Variants in HPSE2 observed in about 807,000 individuals in gnomAD.
The protein encoded by HPSE2 is heparanase 2 (inactive).
A neutral mutation model predicts 60.5 loss-of-function variants in HPSE2; 38 were observed. The ratio of observed to expected loss-of-function variants is 0.63; its 90% CI spans 0.48 to 0.82. HPSE2 has a LOEUF of 0.82. Among genes scored for constraint, HPSE2 ranks in the 40% least tolerant of loss-of-function variants. HPSE2 has a pLI of 0.00. For synonymous variants in HPSE2, 295 were observed against 293.2 expected (o/e 1.01, Z -0.06); for missense variants, 713 against 740.4 (o/e 0.96, Z 0.43).
intron 11 of HPSE2, among the ~76,000 whole-genome samples, chr10:98,477,940 T>G (rs770522588): frequency 6.6e-6 from 1 of 152,204 alleles, no homozygotes; most frequent in Non-Finnish European, 1.5e-5. Flanking sequence ...ACACTCCTTA[T>G]GAGAATCTAA....
chr10:99,048,118 C>CAAA, intron 3 of HPSE2: 1 of 950,600 alleles, frequency 1.1e-6, no homozygotes, highest in East Asian at 2.5e-5. Flanking sequence ...GTGCTTATGG[C>CAAA]AAAATCAATA....
chr10:98,870,641 A>T (rs1952707407), intron 3 of HPSE2, among the ~76,000 whole-genome samples: 2 of 152,188 alleles, frequency 1.3e-5, no homozygotes, highest in Non-Finnish European at 2.9e-5. Context: ...CTAAGTTTAT[A>T]CCCTGGCTCG....
At chr10:98,778,685 A>G (rs1396867807) in intron 3 of HPSE2, among the ~76,000 whole-genome samples, 1 of 152,194 alleles carries the variant, frequency 6.6e-6, no homozygotes, top group Non-Finnish European at 1.5e-5. Flanking sequence ...ACAAGAATTC[A>G]CTACATTGCT....
chr10:99,209,213 A>C (rs1453740807), intron 2 of HPSE2, among the ~76,000 whole-genome samples: 1 of 152,192 alleles, frequency 6.6e-6, no homozygotes, highest in Admixed American at 6.5e-5. Context: ...ACATACAGAA[A>C]ATTCTCCAGG....
chr10:98,543,268 A>G (rs1358916996), intron 9 of HPSE2, among the ~76,000 whole-genome samples: 1 of 152,166 alleles, frequency 6.6e-6, no homozygotes, highest in Non-Finnish European at 1.5e-5. Flanking sequence ...CTTTACAGAC[A>G]AGCAAATGCT....
At chr10:98,704,147 A>T (rs563004710) in intron 5 of HPSE2, among the ~76,000 whole-genome samples, 1 of 152,104 alleles carries the variant, frequency 6.6e-6, no homozygotes, top group Non-Finnish European at 1.5e-5. Flanking sequence ...TCATGAATGA[A>T]CTCCTATTCG....
rs534554338 is a variant in HPSE2, at chr10:99,153,693, G to A, written c.449-9294C>T. 2.0e-4 allele frequency among the ~76,000 whole-genome samples: 30 copies of A among 152,318 alleles called. 1 individual carries two copies. In the South Asian group the frequency reaches 4.6e-3, roughly 23 times the overall value. On this transcript the variant is annotated intron_variant, in intron 2 of 11. Transcript: ENST00000370552. The stretch of plus-strand genomic sequence containing the variant: ...AACTGGAAATTCTAAAAAGCAGAGC[G>A]CCTCTCCTCCTCCAAAGGAACGCAG...
chr10:98,674,304 T>A (rs1182715792), intron 6 of HPSE2, among the ~76,000 whole-genome samples: 1 of 152,050 alleles, frequency 6.6e-6, no homozygotes, highest in Non-Finnish European at 1.5e-5. Flanking sequence ...TTACATAAAA[T>A]CTCCCCACTC....
In HPSE2 at chr10:99,119,063, G is replaced by A. The variant is rs565084354; in HGVS notation, c.610+25175C>T. ...AGAAAAGAAAAGAAAGAAAGAAAGA[G>A]AGAGAAAGAAAGAAAGAGAAAGAAA... is the stretch of plus-strand genomic sequence containing the variant. On this transcript the variant is annotated intron_variant, in intron 3 of 11. Coordinates refer to ENST00000370552, the MANE Select transcript of HPSE2 (RefSeq NM_021828.5). 6.6e-4 allele frequency among the ~76,000 whole-genome samples: 85 copies of A among 127,856 alleles called. No individual in the cohort carries two copies. In the East Asian group the frequency reaches 0.017, roughly 26 times the overall value. 83.9% of individuals were successfully genotyped at this position (127,856 alleles called of 152,430 possible).
chr10:99,033,302 A>T (rs1957538343), intron 3 of HPSE2, among the ~76,000 whole-genome samples: 1 of 152,198 alleles, frequency 6.6e-6, no homozygotes, highest in Non-Finnish European at 1.5e-5. Context: ...CTTCAAAAAA[A>T]TTATTTATTT....
chr10:98,726,600 C>T (rs1000195371), intron 4 of HPSE2, among the ~76,000 whole-genome samples: 13 of 148,848 alleles, frequency 8.7e-5, no homozygotes, highest in Admixed American at 1.4e-4. Context: ...AAAACCTGCA[C>T]GTTGTGCACA....
intron 3 of HPSE2, among the ~76,000 whole-genome samples, chr10:99,094,647 C>T (rs1843657711): frequency 6.9e-6 from 1 of 143,986 alleles, no homozygotes; most frequent in Non-Finnish European, 1.5e-5. Flanking sequence ...ACCTCTACCT[C>T]CCAAGCTCAA....
At chr10:98,724,170 G>T (rs991214987) in intron 4 of HPSE2, among the ~76,000 whole-genome samples, 1 of 151,938 alleles carries the variant, frequency 6.6e-6, no homozygotes, top group African/African-American at 2.4e-5. Flanking sequence ...TTGTGTCTTT[G>T]TTCTCGTTGG....
chr10:98,629,858 G>A (rs1282508830), intron 7 of HPSE2, among the ~76,000 whole-genome samples: 1 of 152,200 alleles, frequency 6.6e-6, no homozygotes, highest in Non-Finnish European at 1.5e-5. Context: ...AACAAAAAGA[G>A]TGGATTCAAA....
chr10:99,277,306 A>C, the HPSE2 span, among the ~76,000 whole-genome samples: 4 of 152,276 alleles, frequency 2.6e-5, no homozygotes, highest in East Asian at 7.7e-4. Flanking sequence ...TGGGATGTTT[A>C]CACCACTTTG....
chr10:98,570,233 C>A (rs1295408533), intron 9 of HPSE2, among the ~76,000 whole-genome samples: 2 of 152,172 alleles, frequency 1.3e-5, no homozygotes, highest in Non-Finnish European at 2.9e-5. Context: ...AGCCTTGTTT[C>A]ATTTACCTGC....
intron 2 of HPSE2, among the ~76,000 whole-genome samples, chr10:99,156,364 A>C (rs1190068557): frequency 6.9e-6 from 1 of 144,198 alleles, no homozygotes; most frequent in African/African-American, 2.5e-5. Flanking sequence ...AAATTCTGGC[A>C]AAACGAATCC....
chr10:98,635,344 T>C (rs1469868262), intron 7 of HPSE2, among the ~76,000 whole-genome samples: 3 of 152,176 alleles, frequency 2.0e-5, no homozygotes, highest in Non-Finnish European at 4.4e-5. Context: ...AAGCTAGAAA[T>C]ATAACTACTG....
chr10:98,986,917 C>G (rs1322434058), intron 3 of HPSE2, among the ~76,000 whole-genome samples: 3 of 152,184 alleles, frequency 2.0e-5, no homozygotes. Context: ...TTTCTCGGCA[C>G]ATAAACCCTC....
Sources: gnomAD v4.1 joint callset for allele counts (sites outside exome capture counted in the v4.1 genomes callset) on GRCh38, gnomAD v4.1.1 for gene constraint, MANE v1.5 for transcripts, NCBI Gene and HGNC (gene_info 2026-07-23, HGNC 2026-07-21) for gene names.